Variants in GALNT13 observed in about 807,000 individuals in gnomAD.
GALNT13 encodes the protein polypeptide N-acetylgalactosaminyltransferase 13.
GALNT13 carries 28 observed loss-of-function variants against 64.2 expected under a neutral mutation model. The observed-to-expected ratio is 0.44, with a 90% CI of 0.32 to 0.60. GALNT13 has a LOEUF of 0.60. Ranked by LOEUF, GALNT13 falls within the 20% of genes least tolerant of loss-of-function variation. GALNT13 has a pLI of 0.05. For synonymous variants in GALNT13, 214 were observed against 224.6 expected (o/e 0.95, Z 0.42); for missense variants, 577 against 669.8 (o/e 0.86, Z 1.53).
chr2:153,455,947 TG>T, the GALNT13 span, among the ~76,000 whole-genome samples: 12 of 152,216 alleles, frequency 7.9e-5, no homozygotes, highest in Non-Finnish European at 1.5e-5. Flanking sequence ...GAGCTGAGAA[TG>T]GGACTGATCA....
chr2:153,104,858 C>T, the GALNT13 span, among the ~76,000 whole-genome samples: 2 of 151,868 alleles, frequency 1.3e-5, no homozygotes, highest in Non-Finnish European at 2.9e-5. Context: ...ATCATTTTAC[C>T]ACTTTAAACT....
the GALNT13 span, among the ~76,000 whole-genome samples, chr2:153,204,965 T>C: frequency 1.3e-5 from 2 of 152,156 alleles, no homozygotes; most frequent in Non-Finnish European, 2.9e-5. Flanking sequence ...TGCACAAATA[T>C]TGCAACAAGA....
intron 3 of GALNT13, among the ~76,000 whole-genome samples, chr2:153,973,252 C>T (rs57002798): frequency 0.18 from 27,924 of 151,692 alleles, 4,758 homozygotes; most frequent in East Asian, 0.76. Context: ...TTACAGTGAT[C>T]GTGAAAAGAC....
At chr2:154,161,548 T>C (rs1235967240) in intron 4 of GALNT13, among the ~76,000 whole-genome samples, 1 of 152,164 alleles carries the variant, frequency 6.6e-6, no homozygotes, top group Admixed American at 6.5e-5. Flanking sequence ...GGATAAATAA[T>C]GATGAGAGTA....
the GALNT13 span, among the ~76,000 whole-genome samples, chr2:153,075,441 C>T: frequency 6.6e-6 from 1 of 152,086 alleles, no homozygotes; most frequent in African/African-American, 2.4e-5. Flanking sequence ...TCTTACAATT[C>T]AGATAACTGT....
At chr2:153,541,454 C>T in the GALNT13 span, among the ~76,000 whole-genome samples, 5 of 152,170 alleles carry the variant, frequency 3.3e-5, no homozygotes, top group African/African-American at 1.2e-4. Flanking sequence ...TCTCATTTCT[C>T]TTCTTTCTCA....
At chr2:154,140,640 A>G in intron 4 of GALNT13, 135 bp downstream of exon 4, 1 of 556,256 alleles carries the variant, frequency 1.8e-6, no homozygotes, top group Non-Finnish European at 3.1e-6. Flanking sequence ...GCAGGAATTT[A>G]TTGTGCATGC....
At chr2:153,850,177 TAA>T in the GALNT13 span, among the ~76,000 whole-genome samples, 1 of 141,876 alleles carries the variant, frequency 7.0e-6, no homozygotes, top group African/African-American at 2.6e-5. Flanking sequence ...AGACTCCGTC[TAA>T]AAAAAAAAAA....
chr2:154,359,613 A>C (rs1483945584), intron 9 of GALNT13, among the ~76,000 whole-genome samples: 2 of 152,128 alleles, frequency 1.3e-5, no homozygotes, highest in Non-Finnish European at 2.9e-5. Context: ...AATGTAAGAC[A>C]ATCTGCTTGT....
At chr2:154,418,515 A>G (rs1016224059) in intron 11 of GALNT13, among the ~76,000 whole-genome samples, 1 of 152,178 alleles carries the variant, frequency 6.6e-6, no homozygotes, top group Non-Finnish European at 1.5e-5. Flanking sequence ...AGCGGCCAAT[A>G]AGCCAGGGAA....
the GALNT13 span, among the ~76,000 whole-genome samples, chr2:153,643,419 A>G: frequency 1.8e-4 from 27 of 151,708 alleles, no homozygotes; most frequent in African/African-American, 6.0e-4. Context: ...TCTGAAAAAT[A>G]TAATTTAACA....
intron 3 of GALNT13, among the ~76,000 whole-genome samples, chr2:154,021,610 T>A (rs138002541): frequency 0.76 from 115,185 of 150,674 alleles, 44,436 homozygotes; most frequent in East Asian, 0.96. Flanking sequence ...GGCTGAGACA[T>A]TGGGGTTTTC....
chr2:153,967,295 G>A (rs1024066608), intron 3 of GALNT13, among the ~76,000 whole-genome samples: 12 of 152,154 alleles, frequency 7.9e-5, no homozygotes, highest in Admixed American at 1.3e-4. Flanking sequence ...GTAGATGTTT[G>A]TTGATATCTG....
chr2:154,217,056 G>A (rs1279551487), intron 4 of GALNT13, among the ~76,000 whole-genome samples: 1 of 151,320 alleles, frequency 6.6e-6, no homozygotes, highest in Admixed American at 6.6e-5. Context: ...GCTTCCAAAA[G>A]CACTAAGATA....
chr2:153,270,826 A>C, the GALNT13 span, among the ~76,000 whole-genome samples: 6 of 152,150 alleles, frequency 3.9e-5, no homozygotes, highest in Non-Finnish European at 5.9e-5. Flanking sequence ...CACTCAGCCT[A>C]GGTGACAGGG....
At chr2:153,598,715 A>G in the GALNT13 span, among the ~76,000 whole-genome samples, 1 of 152,062 alleles carries the variant, frequency 6.6e-6, no homozygotes, top group Non-Finnish European at 1.5e-5. Context: ...GACAAACTAT[A>G]CAATAATACT....
chr2:153,534,218 G>C, the GALNT13 span, among the ~76,000 whole-genome samples: 2 of 152,036 alleles, frequency 1.3e-5, no homozygotes, highest in Non-Finnish European at 2.9e-5. Context: ...TTTGCCTTTA[G>C]TATACCTTGT....
the GALNT13 span, among the ~76,000 whole-genome samples, chr2:153,523,759 G>C: frequency 6.6e-6 from 1 of 152,130 alleles, no homozygotes; most frequent in Non-Finnish European, 1.5e-5. Flanking sequence ...TGTGAACAGA[G>C]TTTTATTTCT....
the GALNT13 span, among the ~76,000 whole-genome samples, chr2:153,795,533 T>G: frequency 4.6e-5 from 7 of 152,166 alleles, no homozygotes; most frequent in South Asian, 8.3e-4. Flanking sequence ...ACTTTTTTTT[T>G]TTGTTCCTTT....
Sources: allele counts gnomAD v4.1 joint callset (sites outside exome capture counted in the v4.1 genomes callset), GRCh38; gene constraint gnomAD v4.1.1; transcripts MANE v1.5; gene names NCBI Gene and HGNC (gene_info 2026-07-23, HGNC 2026-07-21).